Variants in GMDS observed in about 807,000 individuals in gnomAD.
GMDS encodes GDP-mannose 4,6-dehydratase.
GMDS carries 20 observed loss-of-function variants against 49.9 expected under a neutral mutation model. That is an observed-to-expected ratio of 0.40 (90% confidence interval 0.28 to 0.58). GMDS has a LOEUF of 0.58. Among genes scored for constraint, GMDS ranks in the 20% least tolerant of loss-of-function variants. The pLI is 0.42. For missense variants in GMDS, 362 were observed against 481.4 expected, an observed-to-expected ratio of 0.75 and a Z score of 2.32; for synonymous variants, 177 against 178.6, an observed-to-expected ratio of 0.99 and a Z score of 0.07.
chr6:2,201,153 T>C (rs1581788051), intron 1 of GMDS, among the ~76,000 whole-genome samples: 1 of 125,212 alleles, frequency 8.0e-6, no homozygotes, highest in African/African-American at 3.2e-5. Context: ...GATGAAACCA[T>C]CTAGGCAGTG....
chr6:2,059,175 C>CAAAAA (rs55832305), intron 4 of GMDS, among the ~76,000 whole-genome samples: 13 of 30,016 alleles, frequency 4.3e-4, no homozygotes, highest in East Asian at 1.2e-3. Context: ...TCCTCTGTCT[C>CAAAAA]AAAAAAAAAA....
chr6:1,705,862 C>T (rs896009311), intron 9 of GMDS, among the ~76,000 whole-genome samples: 4 of 152,230 alleles, frequency 2.6e-5, no homozygotes, highest in African/African-American at 7.2e-5. Flanking sequence ...TCCTGGCAGG[C>T]GGCTGGGCAC....
chr6:1,848,008 A>T (rs568407264), intron 7 of GMDS, among the ~76,000 whole-genome samples: 1 of 152,288 alleles, frequency 6.6e-6, no homozygotes, highest in African/African-American at 2.4e-5. Context: ...GTGCTGGAGA[A>T]GCCTCTCCAA....
chr6:1,954,766 C>T (rs543897552), intron 6 of GMDS, among the ~76,000 whole-genome samples: 15 of 152,282 alleles, frequency 9.9e-5, no homozygotes, highest in African/African-American at 3.6e-4. Context: ...CCCACATCTG[C>T]AACTACTTCC....
intron 4 of GMDS, among the ~76,000 whole-genome samples, chr6:2,111,708 T>C (rs996162205): frequency 6.6e-6 from 1 of 152,166 alleles, no homozygotes. Flanking sequence ...AGGACCTTTT[T>C]TCAAAAGGAC....
chr6:1,739,898 T>C (rs1767194310), intron 8 of GMDS, among the ~76,000 whole-genome samples: 1 of 152,224 alleles, frequency 6.6e-6, no homozygotes, highest in South Asian at 2.1e-4. Flanking sequence ...CATTCACTTT[T>C]CTCCCTTTCC....
At chr6:1,996,010 G>C (rs1766254327) in intron 4 of GMDS, among the ~76,000 whole-genome samples, 1 of 152,146 alleles carries the variant, frequency 6.6e-6, no homozygotes, top group African/African-American at 2.4e-5. Context: ...CTATACCACT[G>C]CACAGTTCCC....
intron 1 of GMDS, among the ~76,000 whole-genome samples, chr6:2,199,940 G>A (rs1397682500): frequency 6.6e-6 from 1 of 152,108 alleles, no homozygotes; most frequent in Non-Finnish European, 1.5e-5. Flanking sequence ...ACAAACCTAA[G>A]CTATATATGG....
intron 4 of GMDS, among the ~76,000 whole-genome samples, chr6:2,093,056 T>C (rs973906900): frequency 6.6e-6 from 1 of 152,186 alleles, no homozygotes; most frequent in Non-Finnish European, 1.5e-5. Flanking sequence ...CATTGACATA[T>C]GCCAAAACTA....
At chr6:1,801,156 T>C (rs3778526) in intron 7 of GMDS, among the ~76,000 whole-genome samples, 29,476 of 152,136 alleles carry the variant, frequency 0.19, 3,047 homozygotes, top group East Asian at 0.25. Flanking sequence ...GCTTATTCTA[T>C]GAGACCTGCA....
Position 1,766,691 on chromosome 6 carries a change from G to A in GMDS, c.772-24105C>T, listed in dbSNP as rs577854105. ...AGCAAGCGCCCCGTTTCCCACAGAC[G>A]GTTCCCACCTGGGGATGTTGAACCA... is the stretch of plus-strand genomic sequence containing the variant. On this transcript the variant is annotated intron_variant, in intron 7 of 10. Transcript: ENST00000380815. The surrounding 1 kb of genome is among the most constrained non-coding windows in gnomAD (Gnocchi z 4.5). Among the ~76,000 whole-genome samples, 14 of 152,250 alleles carry A rather than the reference G, an allele frequency of 9.2e-5. No individual in the cohort carries two copies. The highest frequency in any genetic ancestry group is 3.1e-4 in the African/African-American group (13 of 41,554).
At chr6:2,069,971 A>G (rs892177097) in intron 4 of GMDS, among the ~76,000 whole-genome samples, 3 of 151,886 alleles carry the variant, frequency 2.0e-5, no homozygotes, top group African/African-American at 4.9e-5. Context: ...ATGCACACGT[A>G]TGTTTATTGC....
At chr6:1,926,906 G>C (rs1762033478) in intron 7 of GMDS, among the ~76,000 whole-genome samples, 1 of 152,218 alleles carries the variant, frequency 6.6e-6, no homozygotes, top group South Asian at 2.1e-4. Flanking sequence ...ATCAAGGCTT[G>C]GATGGCAAGG....
At chr6:2,028,987 T>C (rs1179407297) in intron 4 of GMDS, among the ~76,000 whole-genome samples, 1 of 150,958 alleles carries the variant, frequency 6.6e-6, no homozygotes, top group Non-Finnish European at 1.5e-5. Context: ...GGGTGATTTT[T>C]TTTCTTTCTT....
chr6:1,713,926 T>G (rs920542252), intron 9 of GMDS, among the ~76,000 whole-genome samples: 1 of 152,228 alleles, frequency 6.6e-6, no homozygotes, highest in Non-Finnish European at 1.5e-5. Flanking sequence ...CAAAGACTAT[T>G]CTAGTGCATT....
At chr6:2,202,824 G>T (rs1158806869) in intron 1 of GMDS, among the ~76,000 whole-genome samples, 1 of 152,194 alleles carries the variant, frequency 6.6e-6, no homozygotes, top group African/African-American at 2.4e-5. Context: ...GTGGAGAGAG[G>T]GGATGGAGCA....
chr6:2,133,592 C>G (rs940281561), intron 1 of GMDS, among the ~76,000 whole-genome samples: 14 of 152,178 alleles, frequency 9.2e-5, no homozygotes, highest in African/African-American at 3.1e-4. Flanking sequence ...CTTGTCAACT[C>G]TCTGATGCAT....
intron 7 of GMDS, among the ~76,000 whole-genome samples, chr6:1,924,594 C>CA: frequency 6.6e-6 from 1 of 152,172 alleles, no homozygotes; most frequent in East Asian, 1.9e-4. Flanking sequence ...ATATTTATAT[C>CA]AAAGTGGGAT....
At chr6:1,687,050 T>C (rs1764999898) in intron 9 of GMDS, among the ~76,000 whole-genome samples, 1 of 152,222 alleles carries the variant, frequency 6.6e-6, no homozygotes, top group Non-Finnish European at 1.5e-5. Flanking sequence ...CAAGTAGGAC[T>C]GGAACTCCAT....
Sources: gnomAD v4.1 joint callset for allele counts (sites outside exome capture counted in the v4.1 genomes callset) on GRCh38, gnomAD v4.1.1 for gene constraint, Gnocchi (gnomAD v3.1) non-coding constraint, MANE v1.5 for transcripts, NCBI Gene and HGNC (gene_info 2026-07-23, HGNC 2026-07-21) for gene names.